NLGN4X: variants seen among roughly 807,000 people sequenced by gnomAD.
The protein encoded by NLGN4X is neuroligin 4 X-linked.
Under a neutral mutation model 40.3 loss-of-function variants are expected in NLGN4X, and 3 were observed. The ratio of observed to expected loss-of-function variants is 0.07; its 90% CI spans 0.03 to 0.19. NLGN4X has a LOEUF of 0.19. Among genes scored for constraint, NLGN4X ranks in the 10% least tolerant of loss-of-function variants. The pLI, the probability that NLGN4X is intolerant of heterozygous loss-of-function variation, is 1.00. For missense variants in NLGN4X, 382 were observed against 708.3 expected, an observed-to-expected ratio of 0.54 and a Z score of 5.23; for synonymous variants, 270 against 306.8, an observed-to-expected ratio of 0.88 and a Z score of 1.25.
intron 2 of NLGN4X, among the ~76,000 whole-genome samples, chrX:6,133,280 TTTGA>T (rs2039726060): frequency 9.0e-6 from 1 of 111,125 alleles, no homozygotes; most frequent in Admixed American, 9.7e-5. Context: ...TTATTCATAT[TTTGA>T]TTGATTGTGT....
At chrX:6,018,586 G>A (rs1602071644) in intron 3 of NLGN4X, among the ~76,000 whole-genome samples, 1 of 111,578 alleles carries the variant, frequency 9.0e-6, no homozygotes, top group Admixed American at 9.5e-5. Flanking sequence ...TCAGCCTCGC[G>A]AGTAGCTGAG....
intron 2 of NLGN4X, among the ~76,000 whole-genome samples, chrX:6,088,408 G>A (rs1249121741): frequency 2.7e-5 from 3 of 111,677 alleles, no homozygotes; most frequent in Non-Finnish European, 3.8e-5. Flanking sequence ...TCAGACACAG[G>A]CATGGCACTG....
chrX:6,159,238 AT>A (rs1391470048), intron 1 of NLGN4X, among the ~76,000 whole-genome samples: 1 of 111,649 alleles, frequency 9.0e-6, no homozygotes, highest in Non-Finnish European at 1.9e-5. Flanking sequence ...GGGGGATTAG[AT>A]TTCACTGAAA....
intron 2 of NLGN4X, among the ~76,000 whole-genome samples, chrX:6,053,667 C>T (rs2037548244): frequency 9.0e-6 from 1 of 111,657 alleles, no homozygotes; most frequent in Admixed American, 9.5e-5. Flanking sequence ...GAAAACACCA[C>T]CCAATTTTCC....
intron 1 of NLGN4X, among the ~76,000 whole-genome samples, chrX:6,175,668 A>AAAAAAAC (rs1555996942): frequency 9.3e-6 from 1 of 108,102 alleles, no homozygotes; most frequent in African/African-American, 3.4e-5. Flanking sequence ...AAAAAAAAAA[A>AAAAAAAC]AAAAACAAGA....
intron 1 of NLGN4X, among the ~76,000 whole-genome samples, chrX:6,225,681 C>CTTTTTTTT (rs1569309354): frequency 9.2e-4 from 31 of 33,793 alleles, no homozygotes; most frequent in African/African-American, 1.6e-3. Flanking sequence ...TTTTTTCTTT[C>CTTTTTTTT]TTTTTTTCTT....
chrX:6,160,846 G>T (rs182518240), intron 1 of NLGN4X, among the ~76,000 whole-genome samples: 1 of 102,442 alleles, frequency 9.8e-6, no homozygotes, highest in African/African-American at 3.6e-5. Context: ...TATATTATAC[G>T]TATAGATATC....
rs760768112 is a variant in NLGN4X, at chrX:6,158,893, G to A, written c.-305-7122C>T. Among the ~76,000 whole-genome samples, 7 of 112,144 alleles carry A rather than the reference G, an allele frequency of 6.2e-5. No individual in the cohort carries two copies. In the East Asian group the frequency reaches 8.4e-4, roughly 13 times the overall value. On this transcript the variant is annotated intron_variant, in intron 1 of 5. Coordinates refer to ENST00000381095, the MANE Select transcript of NLGN4X (RefSeq NM_181332.3). ...CTCCCACTTATGAGTGAGAACATGC[G>A]GTGTTTGGTTTTCTGTTCCTGCGTT...
chrX:5,950,036 G>A (rs1474865203), intron 3 of NLGN4X, among the ~76,000 whole-genome samples: 1 of 112,046 alleles, frequency 8.9e-6, no homozygotes, highest in Non-Finnish European at 1.9e-5. Flanking sequence ...TGAAGGCCAT[G>A]TGTAGGAATG....
chrX:6,161,627 A>C (rs1231679944), intron 1 of NLGN4X, among the ~76,000 whole-genome samples: 2 of 107,744 alleles, frequency 1.9e-5, no homozygotes, highest in Non-Finnish European at 3.8e-5. Flanking sequence ...GAAATAATAT[A>C]ATAGATAAAA....
intron 1 of NLGN4X, among the ~76,000 whole-genome samples, chrX:6,222,898 G>C (rs776176584): frequency 8.9e-6 from 1 of 111,878 alleles, no homozygotes; most frequent in Admixed American, 9.4e-5. Context: ...ATGTGAAGAA[G>C]GAAGTATTTG....
At chrX:6,077,174 G>C (rs1328728619) in intron 2 of NLGN4X, among the ~76,000 whole-genome samples, 1 of 111,754 alleles carries the variant, frequency 8.9e-6, no homozygotes, top group Non-Finnish European at 1.9e-5. Flanking sequence ...CTAATGCACA[G>C]AGAGAAATTT....
intron 2 of NLGN4X, among the ~76,000 whole-genome samples, chrX:6,080,483 T>C (rs1328330079): frequency 3.6e-5 from 4 of 111,920 alleles, no homozygotes; most frequent in African/African-American, 9.8e-5. Context: ...TGACTGTCAG[T>C]TGAATGACAT....
At chrX:5,955,352 C>T (rs900351062) in intron 3 of NLGN4X, among the ~76,000 whole-genome samples, 1 of 112,188 alleles carries the variant, frequency 8.9e-6, no homozygotes, top group African/African-American at 3.2e-5. Flanking sequence ...TGCTCTTTTA[C>T]AGACAGATAT....
intron 2 of NLGN4X, among the ~76,000 whole-genome samples, chrX:6,053,445 A>C (rs1456633125): frequency 9.0e-6 from 1 of 110,822 alleles, no homozygotes; most frequent in Non-Finnish European, 1.9e-5. Context: ...GAGCTGCAGC[A>C]AGCACCTCCA....
At chrX:6,209,326 A>G (rs775813943) in intron 1 of NLGN4X, among the ~76,000 whole-genome samples, 1 of 112,108 alleles carries the variant, frequency 8.9e-6, no homozygotes, top group East Asian at 2.8e-4. Flanking sequence ...CCCAGATTTC[A>G]TCACTATGCA....
intron 2 of NLGN4X, among the ~76,000 whole-genome samples, chrX:6,070,288 C>T (rs925991635): frequency 6.3e-5 from 7 of 111,140 alleles, no homozygotes; most frequent in African/African-American, 2.0e-4. Context: ...ACATCACCAC[C>T]ATCAACAAAC....
chrX:6,223,301 C>T (rs73457049), intron 1 of NLGN4X, among the ~76,000 whole-genome samples: 6,081 of 110,621 alleles, frequency 0.055, 424 homozygotes, highest in African/African-American at 0.19. Context: ...ACCTGGGACA[C>T]GTGAACTGAA....
intron 5 of NLGN4X, among the ~76,000 whole-genome samples, chrX:5,896,472 C>A (rs1211402417): frequency 9.0e-6 from 1 of 111,621 alleles, no homozygotes; most frequent in Non-Finnish European, 1.9e-5. Context: ...AGTGTTTAAA[C>A]TCCTGTGAGT....
Sources: allele counts gnomAD v4.1 joint callset (sites outside exome capture counted in the v4.1 genomes callset), GRCh38; gene constraint gnomAD v4.1.1; transcripts MANE v1.5; gene names NCBI Gene and HGNC (gene_info 2026-07-23, HGNC 2026-07-21).